Variants in USP6NL observed in about 807,000 individuals in gnomAD.
USP6NL encodes USP6 N-terminal-like protein.
USP6NL carries 26 observed loss-of-function variants against 61.9 expected under a neutral mutation model. The observed-to-expected ratio is 0.42, with a 90% CI of 0.31 to 0.58. The LOEUF (loss-of-function observed/expected upper bound fraction) is 0.58, where lower values mean the gene tolerates loss of function less well. USP6NL is among the 20% of genes least tolerant of loss of function. USP6NL has a pLI of 0.16. For missense variants in USP6NL, 1,114 were observed against 1,034.3 expected (o/e 1.08, Z -1.06); for synonymous variants, 432 against 390.1 (o/e 1.11, Z -1.27).
At chr10:11,584,155 A>C (rs1390069050) in intron 2 of USP6NL, among the ~76,000 whole-genome samples, 1 of 152,186 alleles carries the variant, frequency 6.6e-6, no homozygotes, top group Non-Finnish European at 1.5e-5. Context: ...GAAGAATTTC[A>C]GTGAGCCAAG....
chr10:11,598,481 A>G lies in USP6NL; in HGVS notation c.-83-764T>C, dbSNP rs1019962402. On this transcript the variant is annotated intron_variant, in intron 1 of 14. Coordinates refer to ENST00000609104, the MANE Select transcript of USP6NL (RefSeq NM_014688.5). The surrounding 1 kb of genome is among the most constrained non-coding windows in gnomAD (Gnocchi z 4.7). ...CTTTATAAATCTTCCTTTCTTAATT[A>G]CTGTATTTCTAAAATATTAATATAG... Among the ~76,000 whole-genome samples, 1 of 152,138 alleles carries G rather than the reference A, an allele frequency of 6.6e-6. No homozygotes were observed. Among genetic ancestry groups the G allele is most frequent in the Admixed American group, 6.5e-5 (1 of 15,278 alleles).
chr10:11,578,179 G>A (rs538604473), intron 2 of USP6NL, among the ~76,000 whole-genome samples: 13 of 151,638 alleles, frequency 8.6e-5, no homozygotes, highest in Non-Finnish European at 1.5e-4. Flanking sequence ...ATGTTGCCGA[G>A]GCTGGTCTGG....
At position 11,537,076 on chromosome 10, in the gene USP6NL, T is replaced by C. The variant is rs999830225; in HGVS notation, c.5-9509A>G. ...CTTCAGAAGAGCCACACAAGTTCCA[T>C]ACATATCTTCATATTCCTCCAGGTT... On this transcript the variant is annotated intron_variant, in intron 2 of 14. Coordinates refer to ENST00000609104, the MANE Select transcript of USP6NL (RefSeq NM_014688.5). The surrounding 1 kb of genome is among the most constrained non-coding windows in gnomAD (Gnocchi z 5.1). 1.3e-5 allele frequency among the ~76,000 whole-genome samples: 2 copies of C among 152,166 alleles called. No individual in the cohort carries two copies. Among genetic ancestry groups the C allele is most frequent in the African/African-American group, 4.8e-5 (2 of 41,462 alleles).
chr10:11,492,482 A>G (rs1457974548), intron 8 of USP6NL, among the ~76,000 whole-genome samples: 1 of 152,246 alleles, frequency 6.6e-6, no homozygotes, highest in Non-Finnish European at 1.5e-5. Context: ...CTGAAGAAGA[A>G]ACTCTGCCTG....
intron 14 of USP6NL, among the ~76,000 whole-genome samples, chr10:11,467,050 G>T (rs986807911): frequency 6.6e-6 from 1 of 152,044 alleles, no homozygotes; most frequent in African/African-American, 2.4e-5. Context: ...ATTTCAATCT[G>T]GGATCTCCCT....
At position 11,527,520 on chromosome 10, in the gene USP6NL, T is replaced by C. The variant is rs767565711; in HGVS notation, c.52A>G (p.Ile18Val). The stretch of plus-strand genomic sequence containing the variant: ...CTTACTCTGTCATATTTAGCAACTA[T>C]TTCAGCTCGCTCCTGGGCAAGTTTG... ...ALKLAQERAE[I>V]VAKYDRGREG... The change falls in exon 3 of 15, where the codon ATA becomes GTA. Residue 18 changes from isoleucine (I) to valine (V), a missense_variant. Transcript: ENST00000609104. 50 of 1,608,052 alleles carry C rather than the reference T, an allele frequency of 3.1e-5. No homozygotes were observed. The highest frequency in any genetic ancestry group is 6.7e-5 in the Admixed American group (4 of 59,400).
intron 2 of USP6NL, among the ~76,000 whole-genome samples, chr10:11,542,360 T>C (rs778671577): frequency 9.2e-5 from 14 of 152,100 alleles, no homozygotes; most frequent in Non-Finnish European, 1.5e-4. Flanking sequence ...AAAAAGCTGA[T>C]AGAAAAAAAG....
intron 1 of USP6NL, among the ~76,000 whole-genome samples, chr10:11,609,094 TCA>T (rs1838796329): frequency 1.3e-5 from 2 of 152,192 alleles, no homozygotes; most frequent in African/African-American, 2.4e-5. Context: ...AGACAGAGTC[TCA>T]CTCTGTGGCC....
In USP6NL at chr10:11,528,294, C is replaced by A. The variant is rs1453970824; in HGVS notation, c.5-727G>T. ...GATCAATAACAGACTATATAAAAGG[C>A]TTCTCTTACCAAAAAAAAAAAGCAT... On this transcript the variant is annotated intron_variant, in intron 2 of 14. Coordinates refer to ENST00000609104, the MANE Select transcript of USP6NL (RefSeq NM_014688.5). The surrounding 1 kb of genome is among the most constrained non-coding windows in gnomAD (Gnocchi z 4.6). Among the ~76,000 whole-genome samples, 1 of 148,866 alleles carries A rather than the reference C, an allele frequency of 6.7e-6. No individual in the cohort carries two copies. The highest frequency in any genetic ancestry group is 1.5e-5 in the Non-Finnish European group (1 of 66,594).
chr10:11,546,642 G>A (rs1836283362), intron 2 of USP6NL, among the ~76,000 whole-genome samples: 1 of 151,998 alleles, frequency 6.6e-6, no homozygotes, highest in Non-Finnish European at 1.5e-5. Context: ...GGTCTCAAAC[G>A]CCTGACCTCA....
At chr10:11,480,285 C>T (rs1833142883) in intron 14 of USP6NL, among the ~76,000 whole-genome samples, 1 of 152,148 alleles carries the variant, frequency 6.6e-6, no homozygotes, top group Non-Finnish European at 1.5e-5. Context: ...TAAATATTAG[C>T]TGCTAATTAG....
intron 2 of USP6NL, among the ~76,000 whole-genome samples, chr10:11,581,842 A>G (rs542541402): frequency 1.3e-5 from 2 of 152,220 alleles, no homozygotes; most frequent in South Asian, 4.2e-4. Context: ...GCTCGATCTC[A>G]GCTCATGCAA....
chr10:11,512,026 C>T (rs12217576), intron 5 of USP6NL, among the ~76,000 whole-genome samples: 48,337 of 151,832 alleles, frequency 0.32, 8,249 homozygotes, highest in East Asian at 0.67. Context: ...CCAAAGATGC[C>T]GAAGCTAACT....
chr10:11,579,297 C>A (rs1177856905), intron 2 of USP6NL, among the ~76,000 whole-genome samples: 1 of 152,144 alleles, frequency 6.6e-6, no homozygotes, highest in Non-Finnish European at 1.5e-5. Flanking sequence ...TCTTTCAAAC[C>A]ACAAATTGAT....
intron 2 of USP6NL, among the ~76,000 whole-genome samples, chr10:11,547,832 C>T (rs1410522541): frequency 3.9e-5 from 6 of 152,286 alleles, no homozygotes; most frequent in African/African-American, 1.2e-4. Context: ...TGAGCCACTG[C>T]ACCCAGCCAA....
chr10:11,501,506 C>G (rs1386477263), intron 6 of USP6NL, among the ~76,000 whole-genome samples: 1 of 152,182 alleles, frequency 6.6e-6, no homozygotes, highest in Non-Finnish European at 1.5e-5. Flanking sequence ...AGTCAGTGCT[C>G]TTTTTAAAGG....
chr10:11,488,141 G>A (rs1438134712), intron 10 of USP6NL, among the ~76,000 whole-genome samples: 2 of 152,164 alleles, frequency 1.3e-5, no homozygotes, highest in African/African-American at 2.4e-5. Context: ...GGCGGGGGCT[G>A]TGGCTCACAC....
At position 11,596,226 on chromosome 10, in the gene USP6NL, T is replaced by G. The variant is rs1487034114; in HGVS notation, c.4+1405A>C. 6.6e-6 allele frequency among the ~76,000 whole-genome samples: 1 copy of G among 152,252 alleles called. No homozygotes were observed. Among genetic ancestry groups the G allele is most frequent in the Non-Finnish European group, 1.5e-5 (1 of 68,046 alleles). ...GTTTTTAAGTTAAAATGCTTGCCAT[T>G]TCTTTTAATTTTTGTGAACTAATTA... On this transcript the variant is annotated intron_variant, in intron 2 of 14. Transcript: ENST00000609104. This position sits in a 1 kb window ranked among gnomAD's most constrained non-coding sequence, Gnocchi z 4.1.
At chr10:11,523,779 AAAAT>A (rs1373069771) in intron 4 of USP6NL, among the ~76,000 whole-genome samples, 3 of 152,234 alleles carry the variant, frequency 2.0e-5, no homozygotes, top group Non-Finnish European at 2.9e-5. Flanking sequence ...TATGATTTAA[AAAAT>A]AAAAATAAAA....
Sources: gnomAD v4.1 joint callset for allele counts (sites outside exome capture counted in the v4.1 genomes callset) on GRCh38, gnomAD v4.1.1 for gene constraint, Gnocchi (gnomAD v3.1) non-coding constraint, MANE v1.5 for transcripts, NCBI Gene and HGNC (gene_info 2026-07-23, HGNC 2026-07-21) for gene names.